The following WFDC13 variants were observed in gnomAD, a reference collection of about 807,000 sequenced individuals.
WFDC13 encodes the protein WAP four-disulfide core domain 13.
Under a neutral mutation model 10.9 loss-of-function variants are expected in WFDC13, and 6 were observed. That is an observed-to-expected ratio of 0.55 (90% CI 0.30 to 1.09). WFDC13 has a LOEUF of 1.09. Among genes scored for constraint, WFDC13 ranks in the 50% least tolerant of loss-of-function variants. The pLI, the probability that WFDC13 is intolerant of heterozygous loss-of-function variation, is 0.06. For missense variants in WFDC13, 104 were observed against 109.6 expected, an observed-to-expected ratio of 0.95 and a Z score of 0.23; for synonymous variants, 38 against 39.5, an observed-to-expected ratio of 0.96 and a Z score of 0.14.
At chr20:45,707,730 A>G (rs1984451536) in intron 3 of WFDC13, 128 bp from the exon 4 acceptor site, 1 of 152,224 alleles carries the variant, frequency 6.6e-6, no homozygotes, top group Non-Finnish European at 1.5e-5. Context: ...TTCTTTAAGG[A>G]GTTCCTAAGC....
rs1204321666 is a variant in WFDC13, at chr20:45,702,082, G to A, written c.-42G>A. 7.5e-6 allele frequency: 12 copies of A among 1,589,994 alleles called. No homozygotes were observed. In the East Asian group the frequency reaches 2.7e-4, roughly 36 times the overall value. On this transcript the variant is annotated 5_prime_UTR_variant, in exon 1 of 4. Coordinates refer to ENST00000305479, the MANE Select transcript of WFDC13 (RefSeq NM_172005.2). Reference sequence around the variant, plus strand: ...TCACAGCAGTGCCTGGTCAAACCCAGCAACCCTTGGCCAGAACTTACTCAC... The same window carrying A: ...TCACAGCAGTGCCTGGTCAAACCCAACAACCCTTGGCCAGAACTTACTCAC...
At chr20:45,702,834 C>T (rs1231558383) in intron 1 of WFDC13, among the ~76,000 whole-genome samples, 1 of 152,202 alleles carries the variant, frequency 6.6e-6, no homozygotes, top group Non-Finnish European at 1.5e-5. Context: ...TGACCTTAAC[C>T]AATACCAAGT....
rs1984488647 is a variant in WFDC13, at chr20:45,708,567, G to A, written c.*732G>A. 6.6e-6 allele frequency: 1 copy of A among 152,132 alleles called. No homozygotes were observed. The allele number at this position is 152,132 out of a possible 1,614,324, so 9.4% of individuals were successfully genotyped here. On this transcript the variant is annotated 3_prime_UTR_variant, in exon 4 of 4. Transcript: ENST00000305479. ...TTTAAATTTTTGATCAACCATGCTAGAGCAAAGATTGAATTATCCTTCTGT... is the reference window on the plus strand; with the variant it reads ...TTTAAATTTTTGATCAACCATGCTAAAGCAAAGATTGAATTATCCTTCTGT...
chr20:45,705,410 C>G (rs1218807737), intron 2 of WFDC13, among the ~76,000 whole-genome samples: 3 of 151,968 alleles, frequency 2.0e-5, no homozygotes, highest in African/African-American at 7.3e-5. Flanking sequence ...AGCATGGGCT[C>G]AAAGCCAAAC....
intron 2 of WFDC13, chr20:45,705,105 G>A (rs776121737): frequency 9.9e-7 from 1 of 1,012,170 alleles, no homozygotes; most frequent in South Asian, 1.3e-5. Flanking sequence ...TGCTCCCAGG[G>A]CAGAGAAAGG....
intron 2 of WFDC13, chr20:45,705,017 T>C (rs1378523574): frequency 6.2e-7 from 1 of 1,611,386 alleles, no homozygotes; most frequent in Non-Finnish European, 8.5e-7. Flanking sequence ...GTTCTTGGGC[T>C]CTGGAGATCC....
At chr20:45,706,301 T>G (rs966452576) in intron 3 of WFDC13, among the ~76,000 whole-genome samples, 2 of 152,190 alleles carry the variant, frequency 1.3e-5, no homozygotes, top group African/African-American at 4.8e-5. Context: ...CTGCTCACTG[T>G]ACCTCTCTGA....
At position 45,708,503 on chromosome 20, in the gene WFDC13, G is replaced by A. The variant is rs1403593672; in HGVS notation, c.*668G>A. 6.6e-6 allele frequency: 1 copy of A among 151,986 alleles called. No individual in the cohort carries two copies. The highest frequency in any genetic ancestry group is 1.5e-5 in the Non-Finnish European group (1 of 68,016). The allele number at this position is 151,986 out of a possible 1,614,324, so 9.4% of individuals were successfully genotyped here. ...CAGTGTGGCATTACTGATAAGTTATGGAAATGGAAATAATCTTTCCTAAAC... is the reference window on the plus strand; with the variant it reads ...CAGTGTGGCATTACTGATAAGTTATAGAAATGGAAATAATCTTTCCTAAAC... On this transcript the variant is annotated 3_prime_UTR_variant, in exon 4 of 4. Transcript: ENST00000305479.
At chr20:45,705,053 G>A (rs755153462) in intron 2 of WFDC13, 1 of 1,535,526 alleles carries the variant, frequency 6.5e-7, no homozygotes, top group Admixed American at 1.7e-5. Context: ...TTGATTAATT[G>A]TCCAGACATT....
Position 45,708,208 on chromosome 20 carries a change from T to C in WFDC13, c.*373T>C, listed in dbSNP as rs1194053591. 1 of 152,168 alleles carries C rather than the reference T, an allele frequency of 6.6e-6. No individual in the cohort carries two copies. Among genetic ancestry groups the C allele is most frequent in the Admixed American group, 6.5e-5 (1 of 15,274 alleles). The allele number at this position is 152,168 out of a possible 1,614,324, so 9.4% of individuals were successfully genotyped here. On this transcript the variant is annotated 3_prime_UTR_variant, in exon 4 of 4. Coordinates refer to ENST00000305479, the MANE Select transcript of WFDC13 (RefSeq NM_172005.2). ...GATTACCTGCCCTTGGTTGCACTCA[T>C]CAGGCTAATTGATCCCATATTTAAC...
chr20:45,702,330 C>A (rs1393490892), intron 1 of WFDC13, 119 bp downstream of exon 1: 1 of 1,052,610 alleles, frequency 9.5e-7, no homozygotes, highest in Non-Finnish European at 1.4e-6. Flanking sequence ...AGGGCCCAAG[C>A]TTTATTGTTG....
At chr20:45,707,167 A>G (rs1471885428) in intron 3 of WFDC13, among the ~76,000 whole-genome samples, 1 of 152,234 alleles carries the variant, frequency 6.6e-6, no homozygotes, top group East Asian at 1.9e-4. Context: ...TAAACACTCC[A>G]TAGAAACTTC....
intron 3 of WFDC13, among the ~76,000 whole-genome samples, chr20:45,706,174 G>A (rs1984384195): frequency 6.6e-6 from 1 of 152,146 alleles, no homozygotes; most frequent in South Asian, 2.1e-4. Context: ...TGGCCCAGGG[G>A]GAACCCAGGG....
chr20:45,705,021 G>A, intron 2 of WFDC13: 1 of 1,609,566 alleles, frequency 6.2e-7, no homozygotes, highest in Non-Finnish European at 8.5e-7. Context: ...TTGGGCTCTG[G>A]AGATCCAGCC....
Position 45,705,221 on chromosome 20 carries a change from T to A in WFDC13, c.239+627T>A, listed in dbSNP as rs1186421312. On this transcript the variant is annotated intron_variant, in intron 2 of 3. Transcript: ENST00000305479. ...CCTCTTTTTTACTTTCTTTTTCTCA[T>A]GAGTAAAATAAGTACTCTTGTTTTT... The A allele has an allele frequency of 5.6e-6, 3 of 540,434 alleles. No homozygotes were observed. In the African/African-American group the frequency reaches 5.7e-5, roughly 10 times the overall value. The allele number at this position is 540,434 out of a possible 1,614,324, so 33.5% of individuals were successfully genotyped here.
At position 45,704,552 on chromosome 20, in the gene WFDC13, G is replaced by A. The variant is rs747492246; in HGVS notation, c.197G>A (p.Cys66Tyr). 1 of 1,614,138 alleles carries A rather than the reference G, an allele frequency of 6.2e-7. No homozygotes were observed. Among genetic ancestry groups the A allele is most frequent in the Non-Finnish European group, 8.5e-7 (1 of 1,180,018 alleles). ...EKGFQCCSSF[C>Y]GIVCSSETFQ... ...GGATTTCAGTGCTGTTCCTCCTTCT[G>A]TGGGATAGTCTGTTCATCAGAAACA... The change falls in exon 2 of 4, where the codon TGT becomes TAT. Residue 66 changes from cysteine to tyrosine, a missense_variant. Cys to Tyr is a radical substitution (Grantham distance 194). Transcript: ENST00000305479.
chr20:45,702,530 T>G (rs757871762), intron 1 of WFDC13, among the ~76,000 whole-genome samples: 1 of 152,216 alleles, frequency 6.6e-6, no homozygotes, highest in Non-Finnish European at 1.5e-5. Context: ...AGCCTCATCA[T>G]CCAGCTTAGT....
chr20:45,703,632 A>G (rs1259025109), intron 1 of WFDC13, among the ~76,000 whole-genome samples: 1 of 152,146 alleles, frequency 6.6e-6, no homozygotes, highest in Non-Finnish European at 1.5e-5. Flanking sequence ...GAGTCCAGGA[A>G]TAGAAAGGAG....
Position 45,702,067 on chromosome 20 carries a change from G to A in WFDC13, c.-57G>A. The A allele has an allele frequency of 6.5e-7, 1 of 1,534,714 alleles. No individual in the cohort carries two copies. The highest frequency in any genetic ancestry group is 1.2e-5 in the South Asian group (1 of 84,936). On this transcript the variant is annotated 5_prime_UTR_variant, in exon 1 of 4. Transcript: ENST00000305479. ...TTCCTTCTCTTCTCCTCACAGCAGTGCCTGGTCAAACCCAGCAACCCTTGG... is the reference window on the plus strand; with the variant it reads ...TTCCTTCTCTTCTCCTCACAGCAGTACCTGGTCAAACCCAGCAACCCTTGG...
Sources: gnomAD v4.1 joint callset for allele counts (sites outside exome capture counted in the v4.1 genomes callset) on GRCh38, gnomAD v4.1.1 for gene constraint, MANE v1.5 for transcripts, NCBI Gene and HGNC (gene_info 2026-07-23, HGNC 2026-07-21) for gene names.